ZC3H14: variants seen among roughly 807,000 people sequenced by gnomAD.
The protein encoded by ZC3H14 is zinc finger CCCH domain-containing protein 14.
A neutral mutation model predicts 92.4 loss-of-function variants in ZC3H14; 31 were observed. The observed-to-expected ratio is 0.34, with a 90% CI of 0.25 to 0.45. ZC3H14 has a LOEUF of 0.45. Ranked by LOEUF, ZC3H14 falls within the 20% of genes least tolerant of loss-of-function variation. ZC3H14 has a pLI of 1.00. For synonymous variants in ZC3H14, 321 were observed against 300.9 expected (o/e 1.07, Z -0.69); for missense variants, 781 against 897.3 (o/e 0.87, Z 1.66).
Position 88,607,293 on chromosome 14 carries a change from C to T in ZC3H14, c.1798C>T (p.Arg600Cys), listed in dbSNP as rs756970794. The T allele has an allele frequency of 3.7e-6, 6 of 1,613,938 alleles. No homozygotes were observed. Among genetic ancestry groups the T allele is most frequent in the East Asian group, 2.2e-5 (1 of 44,862 alleles). ...VAQKPEKLLE[R>C]CKYWPACKNG... ...ACAGAAACCAGAAAAACTTTTGGAGCGCTGCAAGTACTGGCCTGCTTGTAA... is the reference window on the plus strand; with the variant it reads ...ACAGAAACCAGAAAAACTTTTGGAGTGCTGCAAGTACTGGCCTGCTTGTAA... The change falls in exon 13 of 17, where the codon CGC becomes TGC. Residue 600 changes from arginine (R) to cysteine (C), a missense_variant. By Grantham distance (180) the Arg-to-Cys change is radical. Around this residue, in one of 3 missense-constraint regions of ZC3H14, gnomAD observed 221 missense variants for 304.7 expected, o/e 0.73. Transcript: ENST00000251038.
rs2087054049 is a variant in ZC3H14, at chr14:88,613,096, C to T, written c.*1345C>T. On this transcript the variant is annotated 3_prime_UTR_variant, in exon 17 of 17. Transcript: ENST00000251038. Reference sequence around the variant, plus strand: ...AGCCAGCAGTCTACTGTTGTGTTGCCATTGCTTTTCCATTGGGAGAAGAAA... The same window carrying T: ...AGCCAGCAGTCTACTGTTGTGTTGCTATTGCTTTTCCATTGGGAGAAGAAA... 6.6e-6 allele frequency: 1 copy of T among 152,376 alleles called. No individual in the cohort carries two copies. 9.4% of individuals were successfully genotyped at this position (152,376 alleles called of 1,614,324 possible).
At chr14:88,601,232 T>C (rs1336050365) in intron 10 of ZC3H14, among the ~76,000 whole-genome samples, 2 of 152,176 alleles carry the variant, frequency 1.3e-5, no homozygotes, top group African/African-American at 2.4e-5. Context: ...ACCCTGTAAA[T>C]TTTGGTCTCT....
Position 88,615,955 on chromosome 14 carries a change from T to G in ZC3H14, c.*4204T>G. ...GTGCTTTCAGGTTACATGTGTAATA[T>G]TTTTCCTCTTTAACTCCTTTTATTC... On this transcript the variant is annotated 3_prime_UTR_variant, in exon 17 of 17. Coordinates refer to ENST00000251038, the MANE Select transcript of ZC3H14 (RefSeq NM_024824.5). 1 of 1,396,692 alleles carries G rather than the reference T, an allele frequency of 7.2e-7. No homozygotes were observed. Among genetic ancestry groups the G allele is most frequent in the Non-Finnish European group, 9.8e-7 (1 of 1,018,950 alleles). The allele number at this position is 1,396,692 out of a possible 1,614,324, so 86.5% of individuals were successfully genotyped here.
rs772171016 is a variant in ZC3H14, at chr14:88,620,851, T to C, written c.*9100T>C. 2.5e-6 allele frequency: 4 copies of C among 1,590,052 alleles called. No homozygotes were observed. The highest frequency in any genetic ancestry group is 2.6e-6 in the Non-Finnish European group (3 of 1,168,040). On this transcript the variant is annotated 3_prime_UTR_variant, in exon 17 of 17. Transcript: ENST00000251038. The surrounding 1 kb of genome is among the most constrained non-coding windows in gnomAD (Gnocchi z 4.3). ...ATAAATTCTCCATTTTTCATTCCAA[T>C]AGCCACCATGTCCCCTTCAGGGCTG...
intron 10 of ZC3H14, 48 bp downstream of exon 10, chr14:88,596,856 A>G: frequency 6.6e-7 from 1 of 1,507,846 alleles, no homozygotes; most frequent in Middle Eastern, 1.7e-4. Context: ...TTCAGTTGCC[A>G]TTTCCATTTC....
In ZC3H14 at chr14:88,568,133, C is replaced by T. The variant is rs1277621418; in HGVS notation, c.174C>T (p.Asn58=). The T allele has an allele frequency of 1.2e-6, 2 of 1,614,044 alleles. No individual in the cohort carries two copies. Among genetic ancestry groups the T allele is most frequent in the Non-Finnish European group, 1.7e-6 (2 of 1,179,934 alleles). Residue 58 remains asparagine (N), a synonymous_variant, in exon 3 of 17, where the codon AAC becomes AAT. Transcript: ENST00000251038. Reference sequence around the variant, plus strand: ...ATCTGTCCCTGTTTCTAGGGAACAACACAATTCGATTCACCGTATGGTATG... The same window carrying T: ...ATCTGTCCCTGTTTCTAGGGAACAATACAATTCGATTCACCGTATGGTATG... ...TEDLSLFLGN[N]TIRFTVWLHG...
intron 10 of ZC3H14, 81 bp downstream of exon 10, chr14:88,596,889 C>A (rs368824408): frequency 6.8e-6 from 8 of 1,181,660 alleles, no homozygotes; most frequent in South Asian, 3.6e-5. Flanking sequence ...TAACGTATCT[C>A]GGATCTCTTA....
At chr14:88,609,552 C>T in intron 14 of ZC3H14, 149 bp downstream of exon 14, 4 of 1,363,510 alleles carry the variant, frequency 2.9e-6, no homozygotes, top group Non-Finnish European at 4.1e-6. Context: ...AGCAAGTGTG[C>T]CTATCTGTAG....
chr14:88,624,831 A>G lies in ZC3H14; in HGVS notation c.*13080A>G. 2 of 903,252 alleles carry G rather than the reference A, an allele frequency of 2.2e-6. No homozygotes were observed. Among genetic ancestry groups the G allele is most frequent in the Non-Finnish European group, 3.3e-6 (2 of 612,126 alleles). The allele number at this position is 903,252 out of a possible 1,614,324, so 56.0% of individuals were successfully genotyped here. A position where few individuals can be genotyped will look rare whatever the true frequency, so the allele number is the denominator to read the frequency against. On this transcript the variant is annotated 3_prime_UTR_variant, in exon 17 of 17. Coordinates refer to ENST00000251038, the MANE Select transcript of ZC3H14 (RefSeq NM_024824.5). ...GAGAATCAAATAGAAGGCACATAAA[A>G]GGTAATAAAGGAGAAGCATATGAGG...
intron 15 of ZC3H14, among the ~76,000 whole-genome samples, chr14:88,610,480 T>C (rs1300649487): frequency 1.3e-5 from 2 of 152,066 alleles, no homozygotes; most frequent in Non-Finnish European, 2.9e-5. Flanking sequence ...ACTCTGTTAA[T>C]GGTTAGGGTG....
chr14:88,582,696 G>A (rs1036460387), intron 9 of ZC3H14, among the ~76,000 whole-genome samples: 4 of 152,248 alleles, frequency 2.6e-5, no homozygotes, highest in South Asian at 2.1e-4. Context: ...TTTCTATACT[G>A]TGTTTTAAAA....
intron 9 of ZC3H14, among the ~76,000 whole-genome samples, chr14:88,580,331 G>A (rs931579925): frequency 3.3e-5 from 5 of 152,158 alleles, no homozygotes; most frequent in Admixed American, 2.0e-4. Context: ...AAATTAGAAA[G>A]AACTCGAAAG....
chr14:88,595,119 C>CT, intron 9 of ZC3H14: 1 of 1,606,828 alleles, frequency 6.2e-7, no homozygotes, highest in Non-Finnish European at 8.5e-7. Flanking sequence ...AAGGTAAACT[C>CT]TTAATATATG....
chr14:88,597,354 G>A (rs900534944), intron 10 of ZC3H14, among the ~76,000 whole-genome samples: 1 of 152,120 alleles, frequency 6.6e-6, no homozygotes, highest in African/African-American at 2.4e-5. Flanking sequence ...TCTGTCCTCA[G>A]TGCCCAGCCC....
chr14:88,601,932 G>A lies in ZC3H14; in HGVS notation c.1363G>A (p.Asp455Asn), dbSNP rs1173687291. ...ETLQMSQDYY[D>N]MESMVHADTR... ...CAATTTTTTTGGCTCAGATTACTAT[G>A]ACATGGAATCCATGGTCCATGCAGA... The change falls in exon 11 of 17, where the codon GAC (aspartate) becomes AAC (asparagine). Residue 455 changes from aspartate to asparagine, a missense_variant. Physicochemically the swap from Asp to Asn is conservative, Grantham distance 23 (BLOSUM62 1). Coordinates refer to ENST00000251038, the MANE Select transcript of ZC3H14 (RefSeq NM_024824.5). The A allele has an allele frequency of 3.7e-6, 6 of 1,613,976 alleles. No homozygotes were observed. The highest frequency in any genetic ancestry group is 5.1e-6 in the Non-Finnish European group (6 of 1,179,900).
At chr14:88,606,829 T>C (rs1222741288) in intron 12 of ZC3H14, among the ~76,000 whole-genome samples, 1 of 152,090 alleles carries the variant, frequency 6.6e-6, no homozygotes, top group Admixed American at 6.6e-5. Context: ...GGGAATCCTT[T>C]TGTATTTGGG....
chr14:88,604,735 C>T (rs1388621112), intron 12 of ZC3H14, among the ~76,000 whole-genome samples: 9 of 151,982 alleles, frequency 5.9e-5, no homozygotes, highest in African/African-American at 2.2e-4. Context: ...GCTGGGATTA[C>T]AGGCATGCAC....
chr14:88,602,636 T>C (rs952988824), intron 11 of ZC3H14, among the ~76,000 whole-genome samples, 192 bp from the exon 12 acceptor site: 3 of 152,162 alleles, frequency 2.0e-5, no homozygotes, highest in Non-Finnish European at 2.9e-5. Flanking sequence ...GTGATGCCAC[T>C]GTGACTGTTC....
At chr14:88,565,865 ATTTTTC>A (rs961934096) in intron 2 of ZC3H14, among the ~76,000 whole-genome samples, 55 of 151,442 alleles carry the variant, frequency 3.6e-4, no homozygotes, top group Admixed American at 1.3e-3. Context: ...TTTGCAGTAA[ATTTTTC>A]TTTTTCTTTT....
Sources: allele counts gnomAD v4.1 joint callset (sites outside exome capture counted in the v4.1 genomes callset), GRCh38; gene constraint gnomAD v4.1.1; regional missense constraint gnomAD v4.1.1; non-coding constraint Gnocchi (gnomAD v3.1); transcripts MANE v1.5; gene names NCBI Gene and HGNC (gene_info 2026-07-23, HGNC 2026-07-21).